The following UVRAG variants were observed in gnomAD, a reference collection of about 807,000 sequenced individuals.
UVRAG encodes UV radiation resistance-associated gene protein.
UVRAG carries 19 observed loss-of-function variants against 78.0 expected under a neutral mutation model. The observed-to-expected ratio is 0.24, with a 90% CI of 0.17 to 0.36. The LOEUF is 0.36. UVRAG is among the 10% of genes least tolerant of loss of function. UVRAG has a pLI of 1.00. For synonymous variants in UVRAG, 323 were observed against 324.6 expected, an observed-to-expected ratio of 1.00 and a Z score of 0.05; for missense variants, 740 against 853.8, an observed-to-expected ratio of 0.87 and a Z score of 1.66.
chr11:76,104,336 T>G (rs1951933889), intron 13 of UVRAG, among the ~76,000 whole-genome samples: 1 of 152,184 alleles, frequency 6.6e-6, no homozygotes, highest in Non-Finnish European at 1.5e-5. Flanking sequence ...TTCAAAGTGC[T>G]AGGATTCAGA....
chr11:76,076,859 A>T (rs905136139), intron 13 of UVRAG, among the ~76,000 whole-genome samples: 1 of 150,446 alleles, frequency 6.6e-6, no homozygotes, highest in Non-Finnish European at 1.5e-5. Context: ...AGACCCCATA[A>T]TAAAAAAATT....
intron 13 of UVRAG, among the ~76,000 whole-genome samples, chr11:76,096,410 G>C (rs1192404146): frequency 6.6e-6 from 1 of 152,130 alleles, no homozygotes; most frequent in Non-Finnish European, 1.5e-5. Flanking sequence ...GGACTGTCAG[G>C]GAGAAGGAAA....
chr11:76,004,925 A>G (rs936567335), intron 9 of UVRAG, among the ~76,000 whole-genome samples: 5 of 151,964 alleles, frequency 3.3e-5, no homozygotes, highest in Non-Finnish European at 7.4e-5. Flanking sequence ...TTTTCTCTTC[A>G]TTTTTTCCAA....
chr11:76,003,457 GTGAT>G (rs1263243642), intron 8 of UVRAG, among the ~76,000 whole-genome samples: 1 of 151,552 alleles, frequency 6.6e-6, no homozygotes, highest in East Asian at 1.9e-4. Context: ...CTGACCTCAA[GTGAT>G]CTGCCAGCCT....
At chr11:75,869,407 A>G (rs1326476700) in intron 3 of UVRAG, among the ~76,000 whole-genome samples, 1 of 152,254 alleles carries the variant, frequency 6.6e-6, no homozygotes, top group Non-Finnish European at 1.5e-5. Flanking sequence ...GGTCTGAGTG[A>G]TTCTCAAACC....
chr11:76,120,007 C>T (rs1370673178), intron 14 of UVRAG, among the ~76,000 whole-genome samples: 1 of 152,166 alleles, frequency 6.6e-6, no homozygotes, highest in Non-Finnish European at 1.5e-5. Context: ...AAGCTCTTTC[C>T]TGTCTGAGTG....
intron 8 of UVRAG, among the ~76,000 whole-genome samples, chr11:76,001,788 TAAA>T (rs1565113554): frequency 6.6e-6 from 1 of 151,952 alleles, no homozygotes; most frequent in Non-Finnish European, 1.5e-5. Flanking sequence ...CATTGAAAAA[TAAA>T]AAGGAGTTAA....
intron 3 of UVRAG, among the ~76,000 whole-genome samples, chr11:75,878,679 G>C (rs534156417): frequency 1.3e-5 from 2 of 152,150 alleles, no homozygotes; most frequent in Admixed American, 6.5e-5. Context: ...GCTAACACAG[G>C]GAAACCCAGT....
chr11:75,948,857 G>A (rs995702922), intron 6 of UVRAG, among the ~76,000 whole-genome samples: 18 of 152,150 alleles, frequency 1.2e-4, no homozygotes, highest in African/African-American at 1.9e-4. Context: ...GCATTAGCAC[G>A]AATCTTTGAA....
intron 1 of UVRAG, among the ~76,000 whole-genome samples, chr11:75,828,092 G>A (rs760496284): frequency 6.6e-6 from 1 of 152,040 alleles, no homozygotes; most frequent in Non-Finnish European, 1.5e-5. Flanking sequence ...GCTCATTACA[G>A]GTCTAGGATA....
chr11:76,093,193 A>G (rs1328307616), intron 13 of UVRAG, among the ~76,000 whole-genome samples: 1 of 152,060 alleles, frequency 6.6e-6, no homozygotes, highest in Non-Finnish European at 1.5e-5. Context: ...CCATTGGTCT[A>G]TATCTCTATT....
At chr11:75,840,641 T>C (rs1433845441) in intron 1 of UVRAG, among the ~76,000 whole-genome samples, 6 of 152,188 alleles carry the variant, frequency 3.9e-5, no homozygotes, top group Admixed American at 1.3e-4. Context: ...GAATAAAGGC[T>C]TTAGTTCCAA....
rs532425337 is a variant in UVRAG at position 75,871,420 on chromosome 11, G to C, written c.271-8459G>C. Reference sequence around the variant, plus strand: ...TCCCACCTCAGCCTCCCAAGTAGGTGAAGTGTGCACCACCATACCAGGCTA... The same window carrying C: ...TCCCACCTCAGCCTCCCAAGTAGGTCAAGTGTGCACCACCATACCAGGCTA... On this transcript the variant is annotated intron_variant, in intron 3 of 14. Transcript: ENST00000356136. Among the ~76,000 whole-genome samples, 9 of 151,868 alleles carry C rather than the reference G, an allele frequency of 5.9e-5. No homozygotes were observed. The South Asian group carries it at 1.9e-3, about 32-fold the overall frequency.
chr11:76,002,725 G>C (rs116770416), intron 8 of UVRAG, among the ~76,000 whole-genome samples: 2 of 152,132 alleles, frequency 1.3e-5, no homozygotes, highest in Non-Finnish European at 2.9e-5. Context: ...GTTGGGGTCA[G>C]AGTTCCCAAC....
intron 13 of UVRAG, among the ~76,000 whole-genome samples, chr11:76,091,965 C>T (rs1300685232): frequency 6.6e-6 from 1 of 152,010 alleles, no homozygotes; most frequent in Non-Finnish European, 1.5e-5. Context: ...GGTATATCTC[C>T]TAATGCTTTC....
intron 1 of UVRAG, among the ~76,000 whole-genome samples, chr11:75,824,153 C>T (rs1429498480): frequency 1.3e-5 from 2 of 152,122 alleles, no homozygotes; most frequent in Non-Finnish European, 2.9e-5. Flanking sequence ...TACATTCATT[C>T]CTTCTGCAAA....
chr11:76,027,435 A>G (rs756405693), intron 12 of UVRAG, among the ~76,000 whole-genome samples: 30 of 152,088 alleles, frequency 2.0e-4, no homozygotes, highest in Non-Finnish European at 3.2e-4. Context: ...TGCAAAATGC[A>G]TCTCTTTTTT....
At chr11:75,892,453 C>T in intron 5 of UVRAG, 1 of 939,632 alleles carries the variant, frequency 1.1e-6, no homozygotes, top group South Asian at 4.9e-5. Flanking sequence ...TCTATGCTGG[C>T]ACTATTCTAA....
chr11:75,862,902 A>T (rs146905784), intron 3 of UVRAG, among the ~76,000 whole-genome samples: 11 of 152,324 alleles, frequency 7.2e-5, no homozygotes, highest in African/African-American at 2.6e-4. Context: ...ATGCTCAGTA[A>T]CTACTTGTTA....
Sources: gnomAD v4.1 joint callset for allele counts (sites outside exome capture counted in the v4.1 genomes callset) on GRCh38, gnomAD v4.1.1 for gene constraint, MANE v1.5 for transcripts, NCBI Gene and HGNC (gene_info 2026-07-23, HGNC 2026-07-21) for gene names.